CCSER1: variants seen among roughly 807,000 people sequenced by gnomAD.
CCSER1 encodes the protein serine-rich coiled-coil domain-containing protein 1.
In CCSER1, 41 loss-of-function variants were observed where a neutral mutation model predicts 82.0. The observed-to-expected ratio is 0.50, with a 90% confidence interval of 0.39 to 0.65. The LOEUF is 0.65. CCSER1 is among the 30% of genes least tolerant of loss of function. The probability of loss-of-function intolerance (pLI) is 0.00; values close to 1 mark genes in which losing one functional copy is unlikely to be tolerated. For missense variants in CCSER1, 1,119 were observed against 1,064.2 expected (o/e 1.05, Z -0.72); for synonymous variants, 414 against 383.9 (o/e 1.08, Z -0.92).
At chr4:91,293,111 G>A (rs1232369991) in intron 10 of CCSER1, among the ~76,000 whole-genome samples, 2 of 151,882 alleles carry the variant, frequency 1.3e-5, no homozygotes, top group East Asian at 3.9e-4. Context: ...AAGAATAAAT[G>A]TAAAATCTGG....
At chr4:90,526,382 T>C (rs1420268903) in intron 5 of CCSER1, among the ~76,000 whole-genome samples, 5 of 152,192 alleles carry the variant, frequency 3.3e-5, no homozygotes, top group East Asian at 1.9e-4. Context: ...GTTTTCTCAA[T>C]TGTAGCTAAC....
chr4:91,400,213 A>G (rs1295600996), intron 10 of CCSER1, among the ~76,000 whole-genome samples: 1 of 152,004 alleles, frequency 6.6e-6, no homozygotes, highest in East Asian at 1.9e-4. Context: ...TTGGTTTTTC[A>G]GATTTAATAA....
chr4:91,483,105 G>T (rs1758035091), intron 10 of CCSER1, among the ~76,000 whole-genome samples: 1 of 150,296 alleles, frequency 6.7e-6, no homozygotes, highest in African/African-American at 2.4e-5. Flanking sequence ...ATAAAAAAAA[G>T]GAAAGAAAGA....
chr4:90,372,922 G>A (rs918555438), intron 3 of CCSER1, among the ~76,000 whole-genome samples: 5 of 132,708 alleles, frequency 3.8e-5, no homozygotes, highest in African/African-American at 1.0e-4. Context: ...AGTATGTGGA[G>A]CACACTAAAG....
intron 1 of CCSER1, among the ~76,000 whole-genome samples, chr4:90,218,403 C>T (rs867896358): frequency 1.3e-5 from 2 of 152,104 alleles, no homozygotes; most frequent in South Asian, 2.1e-4. Flanking sequence ...TACCCCAAAA[C>T]CCAGCATCAC....
At chr4:91,528,753 T>G (rs186847687) in intron 10 of CCSER1, among the ~76,000 whole-genome samples, 224 of 152,246 alleles carry the variant, frequency 1.5e-3, no homozygotes, top group African/African-American at 5.1e-3. Flanking sequence ...AAAGTCTGCT[T>G]TTTCTTCAGT....
intron 5 of CCSER1, among the ~76,000 whole-genome samples, chr4:90,607,693 A>G (rs1478080617): frequency 1.3e-5 from 2 of 152,180 alleles, no homozygotes; most frequent in Non-Finnish European, 2.9e-5. Context: ...TACATCTGCA[A>G]TGACTCTTTT....
chr4:91,355,954 T>C (rs28816531), intron 10 of CCSER1, among the ~76,000 whole-genome samples: 119,935 of 152,182 alleles, frequency 0.79, 47,923 homozygotes, highest in African/African-American at 0.92. Context: ...TGGGGATTTT[T>C]GCAGAGCAAG....
At position 90,519,844 on chromosome 4, in the gene CCSER1, C is replaced by T. The variant is rs185620865; in HGVS notation, c.1724+51490C>T. Among the ~76,000 whole-genome samples, 18 of 152,080 alleles carry T rather than the reference C, an allele frequency of 1.2e-4. No homozygotes were observed. The East Asian group carries it at 3.1e-3, about 26-fold the overall frequency. ...TTATCTCAGAACATCTCTGTTCTAC[C>T]AATGACTAACAGATTCAGAAAAAAA... On this transcript the variant is annotated intron_variant, in intron 5 of 10. Transcript: ENST00000509176.
chr4:90,265,092 C>A (rs557408131), intron 1 of CCSER1, among the ~76,000 whole-genome samples: 7 of 151,654 alleles, frequency 4.6e-5, no homozygotes, highest in Non-Finnish European at 8.8e-5. Flanking sequence ...TTTAATTTTG[C>A]GAGATACAGA....
chr4:90,467,068 A>G (rs1322854180), intron 4 of CCSER1, among the ~76,000 whole-genome samples: 2 of 152,150 alleles, frequency 1.3e-5, no homozygotes, highest in African/African-American at 4.8e-5. Context: ...ATAATCACAC[A>G]TTGAATGAAA....
At chr4:91,115,514 A>G (rs1184064308) in intron 10 of CCSER1, among the ~76,000 whole-genome samples, 1 of 152,054 alleles carries the variant, frequency 6.6e-6, no homozygotes, top group Admixed American at 6.6e-5. Context: ...TTTAGTAGAG[A>G]TGGAGTTTCA....
intron 10 of CCSER1, among the ~76,000 whole-genome samples, chr4:91,329,221 G>A (rs57362786): frequency 0.68 from 103,493 of 151,552 alleles, 35,474 homozygotes; most frequent in Middle Eastern, 0.74. Flanking sequence ...AATGTAAAGG[G>A]AAAAATATTT....
At chr4:90,192,592 A>G (rs762733123) in intron 1 of CCSER1, among the ~76,000 whole-genome samples, 17 of 152,114 alleles carry the variant, frequency 1.1e-4, no homozygotes, top group South Asian at 4.1e-4. Flanking sequence ...TTATATGACA[A>G]ATAGGGATAA....
chr4:90,400,170 C>G, intron 4 of CCSER1, 41 bp downstream of exon 4: 2 of 1,116,950 alleles, frequency 1.8e-6, no homozygotes. Context: ...CAACTCCTAC[C>G]CTGGTCAGTA....
chr4:91,018,401 C>T (rs62309841), intron 9 of CCSER1, among the ~76,000 whole-genome samples: 1 of 152,092 alleles, frequency 6.6e-6, no homozygotes, highest in Non-Finnish European at 1.5e-5. Context: ...CTCATTTGTA[C>T]TACTAAGCTT....
At chr4:90,949,656 C>T (rs754565687) in intron 9 of CCSER1, among the ~76,000 whole-genome samples, 8 of 152,106 alleles carry the variant, frequency 5.3e-5, no homozygotes, top group Non-Finnish European at 1.0e-4. Flanking sequence ...AAACTATGTA[C>T]TGAGCAACTG....
intron 9 of CCSER1, among the ~76,000 whole-genome samples, chr4:90,937,955 G>A (rs892551800): frequency 8.6e-5 from 13 of 151,970 alleles, no homozygotes; most frequent in Non-Finnish European, 1.3e-4. Context: ...CATCTTTGTA[G>A]TATGGCTCAT....
At chr4:90,419,996 G>A (rs1302227376) in intron 4 of CCSER1, among the ~76,000 whole-genome samples, 1 of 151,832 alleles carries the variant, frequency 6.6e-6, no homozygotes, top group Non-Finnish European at 1.5e-5. Context: ...TTAGATATAA[G>A]GATAGCTGTG....
Sources: allele counts gnomAD v4.1 joint callset (sites outside exome capture counted in the v4.1 genomes callset), GRCh38; gene constraint gnomAD v4.1.1; transcripts MANE v1.5; gene names NCBI Gene and HGNC (gene_info 2026-07-23, HGNC 2026-07-21).